Variants in MDFIC observed in about 807,000 individuals in gnomAD.
The protein encoded by MDFIC is myoD family inhibitor domain-containing protein.
Under a neutral mutation model 23.2 loss-of-function variants are expected in MDFIC, and 17 were observed. The ratio of observed to expected loss-of-function variants is 0.73; its 90% confidence interval spans 0.50 to 1.10. The LOEUF (loss-of-function observed/expected upper bound fraction) is 1.10. Among genes scored for constraint, MDFIC ranks in the 50% least tolerant of loss-of-function variants. The pLI is 0.00. For synonymous variants in MDFIC, 120 were observed against 115.2 expected (o/e 1.04, Z -0.27); for missense variants, 356 against 316.6 (o/e 1.12, Z -0.95).
intron 4 of MDFIC, chr7:115,014,230 G>A: frequency 1.0e-6 from 1 of 985,410 alleles, no homozygotes; most frequent in Non-Finnish European, 1.2e-6. Context: ...AGGGAGTTTA[G>A]GATGGGATGC....
intron 4 of MDFIC, among the ~76,000 whole-genome samples, chr7:114,993,632 G>T (rs1196973067): frequency 6.6e-6 from 1 of 152,170 alleles, no homozygotes; most frequent in Non-Finnish European, 1.5e-5. Flanking sequence ...GGAGCAGGTT[G>T]TTCAGTTTCC....
intron 3 of MDFIC, among the ~76,000 whole-genome samples, chr7:114,977,193 GATA>G (rs1374675902): frequency 6.6e-6 from 1 of 152,136 alleles, no homozygotes; most frequent in Non-Finnish European, 1.5e-5. Context: ...ATATAATGAA[GATA>G]ATGATGATTT....
intron 2 of MDFIC, among the ~76,000 whole-genome samples, chr7:114,938,214 C>T (rs965478156): frequency 1.3e-5 from 2 of 152,178 alleles, no homozygotes; most frequent in Non-Finnish European, 2.9e-5. Context: ...CCTCGGCCTT[C>T]CCAAGTGCTG....
Position 114,923,318 on chromosome 7 carries a change from A to G in MDFIC, c.94+191A>G. On this transcript the variant is annotated intron_variant, in intron 2 of 4. Coordinates refer to ENST00000393486, the MANE Select transcript of MDFIC (RefSeq NM_001166345.3). Reference sequence around the variant, plus strand: ...CTTGCCCTAGATCAACAACCGGGTAAGAGGGCGGGAACCGTTGGTCCCTCC... The same window carrying G: ...CTTGCCCTAGATCAACAACCGGGTAGGAGGGCGGGAACCGTTGGTCCCTCC... 4.4e-6 allele frequency: 5 copies of G among 1,143,128 alleles called. No homozygotes were observed. The South Asian group carries it at 5.8e-5, about 13-fold the overall frequency. The allele number at this position is 1,143,128 out of a possible 1,614,324, so 70.8% of individuals were successfully genotyped here. A position where few individuals can be genotyped will look rare whatever the true frequency, so the allele number is the denominator to read the frequency against.
intron 4 of MDFIC, among the ~76,000 whole-genome samples, chr7:114,997,168 G>A (rs907352812): frequency 6.6e-6 from 1 of 152,128 alleles, no homozygotes; most frequent in Non-Finnish European, 1.5e-5. Context: ...AAGAAAAATT[G>A]CAAATTGCAA....
chr7:114,969,605 A>G (rs1243059544), intron 3 of MDFIC, among the ~76,000 whole-genome samples: 3 of 152,224 alleles, frequency 2.0e-5, no homozygotes, highest in Admixed American at 6.5e-5. Context: ...TTGAGGTCCC[A>G]GACGCAGTAT....
intron 3 of MDFIC, among the ~76,000 whole-genome samples, chr7:114,973,693 G>A (rs1358962152): frequency 6.6e-6 from 1 of 152,022 alleles, no homozygotes; most frequent in Non-Finnish European, 1.5e-5. Flanking sequence ...CCTTTCTTTG[G>A]GGATGGGGGT....
chr7:114,966,105 T>G (rs1426333718), intron 3 of MDFIC, among the ~76,000 whole-genome samples: 1 of 152,212 alleles, frequency 6.6e-6, no homozygotes, highest in African/African-American at 2.4e-5. Flanking sequence ...TCATTGAAGA[T>G]AAGCATTGAT....
chr7:114,944,625 C>T lies in MDFIC; in HGVS notation c.217+2228C>T, dbSNP rs1271986640. Among the ~76,000 whole-genome samples, 3 of 152,194 alleles carry T rather than the reference C, an allele frequency of 2.0e-5. No homozygotes were observed. In the South Asian group the frequency reaches 6.2e-4, roughly 31 times the overall value. Reference sequence around the variant, plus strand: ...AAACTCTCAGAGCTGCCTGACTTTCCTTCTTTGGCCTTCCCCACAGAGTCA... The same window carrying T: ...AAACTCTCAGAGCTGCCTGACTTTCTTTCTTTGGCCTTCCCCACAGAGTCA... On this transcript the variant is annotated intron_variant, in intron 3 of 4. Coordinates refer to ENST00000393486, the MANE Select transcript of MDFIC (RefSeq NM_001166345.3).
chr7:114,965,345 A>G (rs1793075311), intron 3 of MDFIC, among the ~76,000 whole-genome samples: 1 of 152,182 alleles, frequency 6.6e-6, no homozygotes, highest in Admixed American at 6.6e-5. Context: ...GAGATGGGTA[A>G]ATACTGGAGC....
rs957216120 is a variant in MDFIC, at chr7:114,953,062, C to T, written c.217+10665C>T. Among the ~76,000 whole-genome samples, 91 of 152,008 alleles carry T rather than the reference C, an allele frequency of 6.0e-4. 4 individuals are homozygous for T. The highest frequency in any genetic ancestry group is 1.5e-4 in the Non-Finnish European group (10 of 68,016). ...CATATTCAGTAGATTTTTAATCTTA[C>T]CAAATGGTTTTGTGTAAAAATATTT... On this transcript the variant is annotated intron_variant, in intron 3 of 4. Transcript: ENST00000393486.
At chr7:114,976,455 G>A (rs1451726826) in intron 3 of MDFIC, among the ~76,000 whole-genome samples, 1 of 152,104 alleles carries the variant, frequency 6.6e-6, no homozygotes, top group East Asian at 1.9e-4. Context: ...GATACAAGAA[G>A]TTACAGAAGC....
At chr7:115,014,240 C>T in intron 4 of MDFIC, 1 of 985,352 alleles carries the variant, frequency 1.0e-6, no homozygotes, top group Non-Finnish European at 1.2e-6. Flanking sequence ...GGATGGGATG[C>T]TTAGGGATAG....
At position 114,942,388 on chromosome 7, in the gene MDFIC, C is replaced by G; in HGVS notation, c.208C>G (p.Leu70Val). The G allele has an allele frequency of 1.2e-5, 19 of 1,594,950 alleles. No individual in the cohort carries two copies. The highest frequency in any genetic ancestry group is 1.6e-5 in the Non-Finnish European group (19 of 1,171,918). The change falls in exon 3 of 5, where the codon CTC becomes GTC. Residue 70 changes from leucine to valine, a missense_variant. By Grantham distance (32) the Leu-to-Val change is conservative. Transcript: ENST00000393486. ...SIWGNPSDGE[L>V]IRTQPQRLPQ... is the part of the protein sequence containing the mutation. ...TTGGGGAAATCCTTCGGATGGTGAA[C>G]TCATTAGAAGTAAGTATTTTTAGAA...
At chr7:114,927,783 T>C (rs1485058841) in intron 2 of MDFIC, among the ~76,000 whole-genome samples, 1 of 152,168 alleles carries the variant, frequency 6.6e-6, no homozygotes, top group Non-Finnish European at 1.5e-5. Context: ...AACAGAGGGA[T>C]AAATTATATT....
At chr7:114,927,705 A>G (rs1000920909) in intron 2 of MDFIC, among the ~76,000 whole-genome samples, 2 of 152,200 alleles carry the variant, frequency 1.3e-5, no homozygotes, top group African/African-American at 2.4e-5. Flanking sequence ...AGAAATCTCC[A>G]GTTTTCACAT....
chr7:114,970,707 T>C (rs1420786059), intron 3 of MDFIC, among the ~76,000 whole-genome samples: 1 of 152,152 alleles, frequency 6.6e-6, no homozygotes, highest in Non-Finnish European at 1.5e-5. Flanking sequence ...CTTCAATAGT[T>C]CAATCTCCTC....
intron 3 of MDFIC, among the ~76,000 whole-genome samples, chr7:114,975,940 G>T (rs1439396756): frequency 2.6e-5 from 4 of 151,948 alleles, no homozygotes; most frequent in Non-Finnish European, 5.9e-5. Context: ...AAATAATTAG[G>T]TGACAGTGAA....
chr7:114,952,654 A>G (rs1037854684), intron 3 of MDFIC, among the ~76,000 whole-genome samples: 3 of 152,180 alleles, frequency 2.0e-5, no homozygotes, highest in African/African-American at 7.2e-5. Flanking sequence ...TCTTTAATTA[A>G]GTATATTTTC....
Sources: allele counts gnomAD v4.1 joint callset (sites outside exome capture counted in the v4.1 genomes callset), GRCh38; gene constraint gnomAD v4.1.1; transcripts MANE v1.5; gene names NCBI Gene and HGNC (gene_info 2026-07-23, HGNC 2026-07-21).